Variants in ABHD16A observed in about 807,000 individuals in gnomAD.
ABHD16A encodes phosphatidylserine lipase ABHD16A.
In ABHD16A, 47 loss-of-function variants were observed where a neutral mutation model predicts 89.8. The observed-to-expected ratio is 0.52, with a 90% CI of 0.41 to 0.67. The LOEUF (loss-of-function observed/expected upper bound fraction) is 0.67. Among genes scored for constraint, ABHD16A ranks in the 30% least tolerant of loss-of-function variants. The probability of loss-of-function intolerance (pLI) is 0.00; values close to 1 mark genes in which losing one functional copy is unlikely to be tolerated. For synonymous variants in ABHD16A, 251 were observed against 280.4 expected, an observed-to-expected ratio of 0.90 and a Z score of 1.05; for missense variants, 580 against 734.6, an observed-to-expected ratio of 0.79 and a Z score of 2.43.
rs1428959871 is a variant in ABHD16A at position 31,688,557 on chromosome 6, G to A, written c.1250+166C>T. 6.6e-6 allele frequency among the ~76,000 whole-genome samples: 1 copy of A among 152,228 alleles called. No homozygotes were observed. Among genetic ancestry groups the A allele is most frequent in the African/African-American group, 2.4e-5 (1 of 41,460 alleles). On this transcript the variant is annotated intron_variant, in intron 14 of 19. Transcript: ENST00000395952. This position sits in a 1 kb window ranked among gnomAD's most constrained non-coding sequence, Gnocchi z 4.9. ...ATCCTGAGGTGGTCCAGAGTCCCAG[G>A]GGACCTGGGAGGGGTTAGGCCAGTT...
chr6:31,689,841 G>A (rs904858805), intron 11 of ABHD16A, 137 bp from the exon 12 acceptor site: 2 of 1,318,618 alleles, frequency 1.5e-6, no homozygotes, highest in Non-Finnish European at 2.0e-6. Flanking sequence ...AGGAGAGGTT[G>A]TTCTCTCCAG....
Position 31,688,230 on chromosome 6 carries a change from G to A in ABHD16A, c.1307+19C>T, listed in dbSNP as rs776263368. 8.7e-6 allele frequency: 14 copies of A among 1,613,414 alleles called. No homozygotes were observed. The highest frequency in any genetic ancestry group is 6.6e-5 in the South Asian group (6 of 91,060). ...GCCATCTCTGGGGTTCCTGAGGGCC[G>A]AGATTCCCACGCACTCACGTGGTGG... is the stretch of plus-strand genomic sequence containing the variant. On this transcript the variant is annotated intron_variant, in intron 15 of 19. Coordinates refer to ENST00000395952, the MANE Select transcript of ABHD16A (RefSeq NM_021160.3). The surrounding 1 kb of genome is among the most constrained non-coding windows in gnomAD (Gnocchi z 4.9).
At position 31,693,361 on chromosome 6, in the gene ABHD16A, G is replaced by A. The variant is rs200078520; in HGVS notation, c.501C>T (p.Ser167=). ...CAGCAAAAGAACTGGGGCCTCACCG[G>A]CTGCTGGGTTCTTCCCAGTGGAAGT... ...PVDFHWEEPS[S]RKESRGGPSR... Residue 167 remains serine (S), a splice_region_variant and synonymous_variant, in exon 6 of 20, where the codon AGC becomes AGT. Coordinates refer to ENST00000395952, the MANE Select transcript of ABHD16A (RefSeq NM_021160.3). This position sits in a 1 kb window ranked among gnomAD's most constrained non-coding sequence, Gnocchi z 5.0. The A allele has an allele frequency of 9.3e-6, 15 of 1,612,936 alleles. No homozygotes were observed. The highest frequency in any genetic ancestry group is 1.3e-5 in the Non-Finnish European group (15 of 1,180,010).
chr6:31,691,554 C>T, intron 9 of ABHD16A, 25 bp downstream of exon 9: 1 of 1,611,070 alleles, frequency 6.2e-7, no homozygotes, highest in Non-Finnish European at 8.5e-7. Context: ...CTCACCCCAC[C>T]TCTGGGCTCT....
rs1432798574 is a variant in ABHD16A, at chr6:31,693,098, T to G, written c.555A>C (p.Pro185=). 6.2e-7 allele frequency: 1 copy of G among 1,614,138 alleles called. No individual in the cohort carries two copies. Among genetic ancestry groups the G allele is most frequent in the Non-Finnish European group, 8.5e-7 (1 of 1,180,010 alleles). ...CTGCTGTCCCCCGGTGCAGGGGCTC[T>G]GGGCGAAGCAGGGCCACACCCCGGC... ...PSRRGVALLR[P]EPLHRGTADT... Residue 185 remains proline (P), a synonymous_variant, in exon 7 of 20, where the codon CCA becomes CCC. Transcript: ENST00000395952. This position sits in a 1 kb window ranked among gnomAD's most constrained non-coding sequence, Gnocchi z 5.0.
In ABHD16A at chr6:31,688,335, A is replaced by T; in HGVS notation, c.1251-30T>A. 1 of 1,609,484 alleles carries T rather than the reference A, an allele frequency of 6.2e-7. No individual in the cohort carries two copies. Among genetic ancestry groups the T allele is most frequent in the Non-Finnish European group, 8.5e-7 (1 of 1,175,980 alleles). On this transcript the variant is annotated intron_variant, in intron 14 of 19. Transcript: ENST00000395952. The surrounding 1 kb of genome is among the most constrained non-coding windows in gnomAD (Gnocchi z 4.9). Reference sequence around the variant, plus strand: ...AGAGAACAGAGCAGTGGGAAGGGAGAGCTCAGAGGGAGACGGGTGACAACT... The same window carrying T: ...AGAGAACAGAGCAGTGGGAAGGGAGTGCTCAGAGGGAGACGGGTGACAACT...
Position 31,703,204 on chromosome 6 carries a change from CG to C in ABHD16A, c.77del (p.Pro26ArgfsTer63). ...IYRERDSERA[P>X]ASVPETPTAV... ...CCGTTGGCGTCTCAGGGACGCTGGC[CG>C]GGGCCCTTTCAGAGTCCCTCTCCCG... On this transcript the variant is annotated frameshift_variant, in exon 1 of 20. Transcript: ENST00000395952. LOFTEE classifies it high-confidence loss of function. 2 of 1,441,650 alleles carry C rather than the reference CG, an allele frequency of 1.4e-6. No individual in the cohort carries two copies. Among genetic ancestry groups the C allele is most frequent in the South Asian group, 2.9e-5 (2 of 68,076 alleles). The allele number at this position is 1,441,650 out of a possible 1,614,324, so 89.3% of individuals were successfully genotyped here.
intron 9 of ABHD16A, 152 bp downstream of exon 9, chr6:31,691,427 T>C: frequency 1.5e-6 from 1 of 647,908 alleles, no homozygotes. Context: ...TCACAGGGTT[T>C]CACTACATCA....
chr6:31,688,137 G>A lies in ABHD16A; in HGVS notation c.1308-34C>T. On this transcript the variant is annotated intron_variant, in intron 15 of 19. Coordinates refer to ENST00000395952, the MANE Select transcript of ABHD16A (RefSeq NM_021160.3). This position sits in a 1 kb window ranked among gnomAD's most constrained non-coding sequence, Gnocchi z 4.9. ...GAGAAGAATGTACCCTGGAGGGGCT[G>A]GAGGTTAGGAGGAAGGGTCTAGATA... is the stretch of plus-strand genomic sequence containing the variant. The A allele has an allele frequency of 1.9e-6, 3 of 1,606,568 alleles. No individual in the cohort carries two copies. The highest frequency in any genetic ancestry group is 2.2e-5 in the East Asian group (1 of 44,754).
chr6:31,692,849 C>G (rs1025106447), intron 7 of ABHD16A, 178 bp downstream of exon 7: 72 of 796,344 alleles, frequency 9.0e-5, no homozygotes, highest in Non-Finnish European at 1.3e-4. Flanking sequence ...CCTCTCTGAG[C>G]CTCTTTTCTT....
At chr6:31,700,672 G>A (rs1804882111) in intron 4 of ABHD16A, among the ~76,000 whole-genome samples, 2 of 151,796 alleles carry the variant, frequency 1.3e-5, no homozygotes, top group Admixed American at 1.3e-4. Context: ...TGAGGTGGGA[G>A]GATCACTTTG....
chr6:31,690,169 C>T lies in ABHD16A; in HGVS notation c.908-42G>A. 1 of 1,531,280 alleles carries T rather than the reference C, an allele frequency of 6.5e-7. No homozygotes were observed. The highest frequency in any genetic ancestry group is 8.8e-7 in the Non-Finnish European group (1 of 1,134,754). 94.9% of individuals were successfully genotyped at this position (1,531,280 alleles called of 1,614,324 possible). On this transcript the variant is annotated intron_variant, in intron 10 of 19. Coordinates refer to ENST00000395952, the MANE Select transcript of ABHD16A (RefSeq NM_021160.3). This position sits in a 1 kb window ranked among gnomAD's most constrained non-coding sequence, Gnocchi z 4.1. Reference sequence around the variant, plus strand: ...GGAGGGACTGAGACCTTGTGGCCCACAGCCCTTTCTCCATCCCTGGGGGAA... The same window carrying T: ...GGAGGGACTGAGACCTTGTGGCCCATAGCCCTTTCTCCATCCCTGGGGGAA...
At chr6:31,700,005 A>G (rs1227331714) in intron 4 of ABHD16A, among the ~76,000 whole-genome samples, 2 of 151,998 alleles carry the variant, frequency 1.3e-5, no homozygotes, top group Admixed American at 1.3e-4. Context: ...GCTTCAGCCT[A>G]CCAAACTGCT....
intron 2 of ABHD16A, 124 bp from the exon 3 acceptor site, chr6:31,701,464 T>TC: frequency 1.3e-5 from 10 of 783,604 alleles, no homozygotes; most frequent in Middle Eastern, 2.3e-4. Context: ...ATATTTGGTG[T>TC]ATGACACCAT....
intron 7 of ABHD16A, 61 bp from the exon 8 acceptor site, chr6:31,691,979 A>G (rs1803932957): frequency 7.5e-7 from 1 of 1,329,998 alleles, no homozygotes; most frequent in African/African-American, 1.4e-5. Flanking sequence ...TGTGCTGGGG[A>G]CCATCCCAGC....
At chr6:31,695,110 G>A (rs576587088) in intron 5 of ABHD16A, among the ~76,000 whole-genome samples, 9 of 152,314 alleles carry the variant, frequency 5.9e-5, no homozygotes, top group African/African-American at 1.9e-4. Context: ...ATAGTGTGGA[G>A]TAGCCAGGAA....
At chr6:31,689,471 C>T in intron 12 of ABHD16A, 110 bp downstream of exon 12, 1 of 1,370,516 alleles carries the variant, frequency 7.3e-7, no homozygotes, top group Non-Finnish European at 9.7e-7. Context: ...ATTCTACTTC[C>T]TCTCTCTTCT....
intron 8 of ABHD16A, 55 bp downstream of exon 8, chr6:31,691,749 T>TGGGGGGGGG: frequency 8.4e-6 from 1 of 118,758 alleles, no homozygotes. Context: ...TGGGGCGGGG[T>TGGGGGGGGG]GGGTGGGGGT....
Position 31,689,652 on chromosome 6 carries a change from A to C in ABHD16A, c.1010T>G (p.Phe337Cys). 1 of 1,612,564 alleles carries C rather than the reference A, an allele frequency of 6.2e-7. No individual in the cohort carries two copies. Among genetic ancestry groups the C allele is most frequent in the African/African-American group, 1.3e-5 (1 of 75,026 alleles). Residue 337 changes from phenylalanine (F) to cysteine (C), a missense_variant, in exon 12 of 20, where the codon TTT becomes TGT. Physicochemically the swap from Phe to Cys is radical, Grantham distance 205. This residue lies in a region of ABHD16A where 415 missense variants were observed against 568.8 expected (regional missense o/e 0.73). Coordinates refer to ENST00000395952, the MANE Select transcript of ABHD16A (RefSeq NM_021160.3). ...CTGGAAGCCTAGGCGGTGGATGGCAAACTGGACCACCACATCCATGGCATT... is the reference window on the plus strand; with the variant it reads ...CTGGAAGCCTAGGCGGTGGATGGCACACTGGACCACCACATCCATGGCATT... ...EANAMDVVVQ[F>C]AIHRLGFQPQ...
Sources: allele counts gnomAD v4.1 joint callset (sites outside exome capture counted in the v4.1 genomes callset), GRCh38; gene constraint gnomAD v4.1.1; regional missense constraint gnomAD v4.1.1; non-coding constraint Gnocchi (gnomAD v3.1); transcripts MANE v1.5; gene names NCBI Gene and HGNC (gene_info 2026-07-23, HGNC 2026-07-21).